Variants in R3HDM1 observed in about 807,000 individuals in gnomAD.
R3HDM1 encodes R3H domain containing 1, also known as R3H domain-containing protein 1.
Under a neutral mutation model 141.1 loss-of-function variants are expected in R3HDM1, and 46 were observed. The ratio of observed to expected loss-of-function variants is 0.33; its 90% confidence interval spans 0.26 to 0.42. The LOEUF is 0.42. R3HDM1 is among the 10% of genes least tolerant of loss of function. The pLI is 1.00. For missense variants in R3HDM1, 1,184 were observed against 1,368.3 expected (o/e 0.87, Z 2.12); for synonymous variants, 435 against 472.9 (o/e 0.92, Z 1.04).
chr2:135,637,297 CGA>C (rs2063354159), intron 11 of R3HDM1, among the ~76,000 whole-genome samples: 1 of 151,892 alleles, frequency 6.6e-6, no homozygotes, highest in Non-Finnish European at 1.5e-5. Context: ...AGTTCCAAGT[CGA>C]GAGTCAGTAT....
intron 20 of R3HDM1, among the ~76,000 whole-genome samples, chr2:135,678,534 G>A (rs1019854469): frequency 6.6e-6 from 1 of 151,560 alleles, no homozygotes; most frequent in Admixed American, 6.6e-5. Flanking sequence ...GATCACCTGA[G>A]GTCAGAAGTT....
At chr2:135,569,081 A>G (rs1182876896) in intron 1 of R3HDM1, among the ~76,000 whole-genome samples, 1 of 152,220 alleles carries the variant, frequency 6.6e-6, no homozygotes, top group Non-Finnish European at 1.5e-5. Context: ...TCAGTGGTTT[A>G]ATATTCTGGA....
chr2:135,559,100 T>TGC, intron 1 of R3HDM1: 2 of 787,954 alleles, frequency 2.5e-6, no homozygotes, highest in Non-Finnish European at 3.1e-6. Flanking sequence ...TGTGCATGCG[T>TGC]GTGTGTGTGT....
chr2:135,567,301 A>T (rs898673111), intron 1 of R3HDM1, among the ~76,000 whole-genome samples: 4 of 152,200 alleles, frequency 2.6e-5, no homozygotes, highest in African/African-American at 9.7e-5. Flanking sequence ...GGAATTATAC[A>T]CCCAGGTACT....
At chr2:135,550,551 A>G (rs887598123) in intron 1 of R3HDM1, among the ~76,000 whole-genome samples, 6 of 152,290 alleles carry the variant, frequency 3.9e-5, no homozygotes, top group Admixed American at 3.9e-4. Context: ...GAAAATGCTT[A>G]CAGAAATACT....
intron 24 of R3HDM1, among the ~76,000 whole-genome samples, chr2:135,716,088 A>T (rs1024523146): frequency 6.6e-6 from 1 of 152,222 alleles, no homozygotes; most frequent in Non-Finnish European, 1.5e-5. Context: ...GCACTTTGGG[A>T]GGCCAATGCG....
chr2:135,551,664 T>C (rs1699875552), intron 1 of R3HDM1, among the ~76,000 whole-genome samples: 1 of 152,242 alleles, frequency 6.6e-6, no homozygotes, highest in South Asian at 2.1e-4. Flanking sequence ...ATTTATAGTT[T>C]TGTCGTTTTA....
In R3HDM1 at chr2:135,675,753, T is replaced by G. The variant is rs375466947; in HGVS notation, c.2307+267T>G. 1.7e-4 allele frequency among the ~76,000 whole-genome samples: 26 copies of G among 152,338 alleles called. No homozygotes were observed. The South Asian group carries it at 5.4e-3, about 32-fold the overall frequency. ...CTGAAACACATTGATATTGGCAAGT[T>G]AATATTGTCTAGCATTGTCTTATGT... On this transcript the variant is annotated intron_variant, in intron 20 of 26. Transcript: ENST00000683871.
intron 1 of R3HDM1, among the ~76,000 whole-genome samples, chr2:135,587,492 T>C (rs974582449): frequency 6.6e-6 from 1 of 152,192 alleles, no homozygotes; most frequent in Non-Finnish European, 1.5e-5. Context: ...CTCTTTCTTT[T>C]GTCTATTTCT....
intron 1 of R3HDM1, among the ~76,000 whole-genome samples, chr2:135,538,351 T>G (rs139391465): frequency 1.3e-5 from 2 of 152,234 alleles, no homozygotes; most frequent in African/African-American, 4.8e-5. Flanking sequence ...AGTGAGTGAA[T>G]GCAAAGGCCT....
chr2:135,587,661 AAAAATT>A (rs1708246357), intron 1 of R3HDM1, among the ~76,000 whole-genome samples: 1 of 152,212 alleles, frequency 6.6e-6, no homozygotes, highest in Non-Finnish European at 1.5e-5. Context: ...CTATAAAAGA[AAAAATT>A]AAAATAAGCA....
At chr2:135,535,660 A>G (rs1192177682) in intron 1 of R3HDM1, among the ~76,000 whole-genome samples, 1 of 152,190 alleles carries the variant, frequency 6.6e-6, no homozygotes, top group Non-Finnish European at 1.5e-5. Context: ...ATGTTTAGTA[A>G]TACGGACATG....
chr2:135,694,668 G>A (rs901095859), intron 21 of R3HDM1, among the ~76,000 whole-genome samples: 10 of 152,178 alleles, frequency 6.6e-5, no homozygotes, highest in African/African-American at 2.4e-4. Flanking sequence ...TCAGGGAGGG[G>A]GAACCCAACC....
chr2:135,614,052 A>T lies in R3HDM1; in HGVS notation c.172-2100A>T, dbSNP rs2060790585. On this transcript the variant is annotated intron_variant, in intron 3 of 26. Transcript: ENST00000683871. Reference sequence around the variant, plus strand: ...GACTGTGAGGTCTTTAAGACCAGGAACTATGTCTTATTCATCTTCATAGCT... The same window carrying T: ...GACTGTGAGGTCTTTAAGACCAGGATCTATGTCTTATTCATCTTCATAGCT... Among the ~76,000 whole-genome samples the T allele has an allele frequency of 2.0e-5, 3 of 152,312 alleles. No homozygotes were observed. In the South Asian group the frequency reaches 6.2e-4, roughly 32 times the overall value.
chr2:135,603,054 T>G (rs1041172338), intron 2 of R3HDM1, among the ~76,000 whole-genome samples: 2 of 152,192 alleles, frequency 1.3e-5, no homozygotes, highest in Admixed American at 1.3e-4. Flanking sequence ...CGATCTTGGC[T>G]CACTGCAACC....
At chr2:135,688,672 C>G (rs185573679) in intron 21 of R3HDM1, among the ~76,000 whole-genome samples, 2 of 152,246 alleles carry the variant, frequency 1.3e-5, no homozygotes, top group East Asian at 3.9e-4. Flanking sequence ...GACGGTGGCT[C>G]ATGGCTGTGA....
In R3HDM1 at chr2:135,557,332, A is replaced by G. The variant is rs1231098041; in HGVS notation, c.-250+25699A>G. 2.0e-5 allele frequency among the ~76,000 whole-genome samples: 3 copies of G among 151,300 alleles called. No homozygotes were observed. In the East Asian group the frequency reaches 5.8e-4, roughly 29 times the overall value. On this transcript the variant is annotated intron_variant, in intron 1 of 26. Coordinates refer to ENST00000683871, the MANE Select transcript of R3HDM1 (RefSeq NM_001378107.1). ...ATCCTTTGTATCTTTTTCTTCCCAT[A>G]CTATAACAAGGGTCTTGAAACTCTT...
chr2:135,558,669 T>C (rs1169620744), intron 1 of R3HDM1, among the ~76,000 whole-genome samples: 1 of 152,202 alleles, frequency 6.6e-6, no homozygotes, highest in Non-Finnish European at 1.5e-5. Context: ...TGAACATCTT[T>C]GGAGCTGTAG....
intron 24 of R3HDM1, among the ~76,000 whole-genome samples, chr2:135,717,427 T>G (rs541524644): frequency 1.3e-5 from 2 of 151,844 alleles, no homozygotes; most frequent in African/African-American, 2.4e-5. Flanking sequence ...GAGGTTGCAG[T>G]GAGCCAAGAT....
Sources: allele counts gnomAD v4.1 joint callset (sites outside exome capture counted in the v4.1 genomes callset), GRCh38; gene constraint gnomAD v4.1.1; transcripts MANE v1.5; gene names NCBI Gene and HGNC (gene_info 2026-07-23, HGNC 2026-07-21).